Variants in NALF1 observed in about 807,000 individuals in gnomAD.
The protein encoded by NALF1 is NALCN channel auxiliary factor 1, also known as family with sequence similarity 155 member A.
NALF1 carries 3 observed loss-of-function variants against 48.4 expected under a neutral mutation model. The observed-to-expected ratio is 0.06, with a 90% CI of 0.03 to 0.16. The LOEUF (loss-of-function observed/expected upper bound fraction) is 0.16. Ranked by LOEUF, NALF1 falls within the 10% of genes least tolerant of loss-of-function variation. NALF1 has a pLI of 1.00. For synonymous variants in NALF1, 262 were observed against 245.7 expected, an observed-to-expected ratio of 1.07 and a Z score of -0.62; for missense variants, 526 against 571.5, an observed-to-expected ratio of 0.92 and a Z score of 0.81.
At chr13:107,841,845 A>G (rs1880050654) in intron 1 of NALF1, among the ~76,000 whole-genome samples, 1 of 152,092 alleles carries the variant, frequency 6.6e-6, no homozygotes, top group Non-Finnish European at 1.5e-5. Flanking sequence ...TGAAATCCCA[A>G]ATATTCTTGC....
At chr13:107,224,015 T>C (rs919540951) in intron 1 of NALF1, among the ~76,000 whole-genome samples, 2 of 152,240 alleles carry the variant, frequency 1.3e-5, no homozygotes, top group African/African-American at 4.8e-5. Context: ...TATTGTTTAA[T>C]TGATTAATTA....
chr13:107,496,722 T>C (rs1594094598), intron 1 of NALF1, among the ~76,000 whole-genome samples: 1 of 152,004 alleles, frequency 6.6e-6, no homozygotes, highest in Non-Finnish European at 1.5e-5. Flanking sequence ...CAGTTCCACA[T>C]GGCTGGGGAA....
intron 1 of NALF1, among the ~76,000 whole-genome samples, chr13:107,724,774 T>C (rs574479631): frequency 6.6e-6 from 1 of 152,118 alleles, no homozygotes; most frequent in South Asian, 2.1e-4. Flanking sequence ...AGAGACGGAG[T>C]GTCACCATGT....
chr13:107,551,466 A>C (rs1877291232), intron 1 of NALF1, among the ~76,000 whole-genome samples: 1 of 152,186 alleles, frequency 6.6e-6, no homozygotes, highest in Non-Finnish European at 1.5e-5. Context: ...GAAATGAATG[A>C]GATACAATAT....
intron 1 of NALF1, among the ~76,000 whole-genome samples, chr13:107,828,756 G>A (rs1388265022): frequency 6.6e-6 from 1 of 151,682 alleles, no homozygotes; most frequent in Non-Finnish European, 1.5e-5. Context: ...AACAATAATG[G>A]CTTAACAATT....
chr13:107,373,207 G>A (rs1883277410), intron 1 of NALF1, among the ~76,000 whole-genome samples: 1 of 152,108 alleles, frequency 6.6e-6, no homozygotes, highest in South Asian at 2.1e-4. Flanking sequence ...CTTCATTAAG[G>A]AAGAATAGAC....
chr13:107,651,664 C>T (rs1880454089), intron 1 of NALF1, among the ~76,000 whole-genome samples: 1 of 152,176 alleles, frequency 6.6e-6, no homozygotes, highest in Non-Finnish European at 1.5e-5. Context: ...GCAAATAAAA[C>T]TGATGTCCCA....
chr13:107,292,837 A>G (rs777437041), intron 1 of NALF1, among the ~76,000 whole-genome samples: 2 of 152,232 alleles, frequency 1.3e-5, no homozygotes, highest in Admixed American at 6.5e-5. Context: ...ATATAATTAG[A>G]GGCACTAGAC....
intron 1 of NALF1, among the ~76,000 whole-genome samples, chr13:107,296,899 A>G (rs1434567218): frequency 6.6e-6 from 1 of 152,174 alleles, no homozygotes; most frequent in Non-Finnish European, 1.5e-5. Flanking sequence ...TCAACTACAC[A>G]GTTACTGGGA....
chr13:107,462,082 G>A (rs183275669), intron 1 of NALF1, among the ~76,000 whole-genome samples: 7 of 152,262 alleles, frequency 4.6e-5, no homozygotes, highest in Admixed American at 1.3e-4. Flanking sequence ...TTTCCTGGGA[G>A]GCTGAACCCT....
In NALF1 at chr13:107,615,375, C is replaced by A. The variant is rs1335053487; in HGVS notation, c.915+250307G>T. ...CTGCTCCCTTATGGCTTGCTCTTAC[C>A]CTGCCTTTCGCATAATTATTTTCCC... On this transcript the variant is annotated intron_variant, in intron 1 of 2. Coordinates refer to ENST00000375915, the MANE Select transcript of NALF1 (RefSeq NM_001080396.3). Among the ~76,000 whole-genome samples the A allele has an allele frequency of 1.3e-5, 2 of 152,078 alleles. 1 individual carries two copies. Among genetic ancestry groups the A allele is most frequent in the Non-Finnish European group, 2.9e-5 (2 of 68,006 alleles).
intron 1 of NALF1, among the ~76,000 whole-genome samples, chr13:107,492,505 T>C (rs527958494): frequency 1.3e-5 from 2 of 152,316 alleles, no homozygotes; most frequent in East Asian, 3.9e-4. Context: ...TTTCTCATTC[T>C]ATAAACCCTC....
chr13:107,661,498 G>A (rs891778746), intron 1 of NALF1, among the ~76,000 whole-genome samples: 13 of 151,858 alleles, frequency 8.6e-5, no homozygotes, highest in South Asian at 4.2e-4. Flanking sequence ...CGTCTTTTGC[G>A]AGCGGCCAAC....
chr13:107,631,977 T>C (rs1879848236), intron 1 of NALF1, among the ~76,000 whole-genome samples: 1 of 152,154 alleles, frequency 6.6e-6, no homozygotes. Context: ...TTTCAGAAAT[T>C]ACAATGATGC....
At chr13:107,214,601 A>G (rs949725732) in intron 1 of NALF1, among the ~76,000 whole-genome samples, 9 of 152,108 alleles carry the variant, frequency 5.9e-5, no homozygotes, top group Non-Finnish European at 1.3e-4. Flanking sequence ...TTGATTTGTC[A>G]GGAAATTATG....
At chr13:107,481,480 T>G (rs1250978271) in intron 1 of NALF1, among the ~76,000 whole-genome samples, 1 of 152,188 alleles carries the variant, frequency 6.6e-6, no homozygotes, top group Non-Finnish European at 1.5e-5. Context: ...GCAATTAAAC[T>G]AAAATCAATT....
intron 2 of NALF1, among the ~76,000 whole-genome samples, chr13:107,203,353 AGAG>A (rs903994235): frequency 6.6e-6 from 1 of 152,132 alleles, no homozygotes; most frequent in Non-Finnish European, 1.5e-5. Flanking sequence ...TCCTGGCTGT[AGAG>A]GAGATCACTA....
chr13:107,420,157 C>T (rs532425857), intron 1 of NALF1, among the ~76,000 whole-genome samples: 5 of 152,210 alleles, frequency 3.3e-5, no homozygotes, highest in Admixed American at 3.3e-4. Flanking sequence ...AAGAGAATTC[C>T]ATTTTGAATC....
intron 1 of NALF1, among the ~76,000 whole-genome samples, chr13:107,719,967 T>G (rs890233470): frequency 6.6e-6 from 1 of 152,072 alleles, no homozygotes; most frequent in African/African-American, 2.4e-5. Flanking sequence ...CTCATGTTTC[T>G]CTCTTTGCTT....
Sources: gnomAD v4.1 joint callset for allele counts (sites outside exome capture counted in the v4.1 genomes callset) on GRCh38, gnomAD v4.1.1 for gene constraint, MANE v1.5 for transcripts, NCBI Gene and HGNC (gene_info 2026-07-23, HGNC 2026-07-21) for gene names.